Variants in KCTD16 observed in about 807,000 individuals in gnomAD.
KCTD16 encodes the protein BTB/POZ domain-containing protein KCTD16.
KCTD16 carries 13 observed loss-of-function variants against 33.2 expected under a neutral mutation model. That is an observed-to-expected ratio of 0.39 (90% CI 0.25 to 0.62). The LOEUF (loss-of-function observed/expected upper bound fraction) is 0.62. Ranked by LOEUF, KCTD16 falls within the 20% of genes least tolerant of loss-of-function variation. The pLI is 0.50. For missense variants in KCTD16, 441 were observed against 525.1 expected, an observed-to-expected ratio of 0.84 and a Z score of 1.57; for synonymous variants, 197 against 195.3, an observed-to-expected ratio of 1.01 and a Z score of -0.07.
intron 2 of KCTD16, among the ~76,000 whole-genome samples, chr5:144,188,455 A>T (rs2126778275): frequency 6.6e-6 from 1 of 152,152 alleles, no homozygotes; most frequent in African/African-American, 2.4e-5. Flanking sequence ...TCTCATCCTA[A>T]CTCTTTTCTT....
intron 3 of KCTD16, among the ~76,000 whole-genome samples, chr5:144,435,344 A>C (rs1043801101): frequency 1.3e-5 from 2 of 152,226 alleles, no homozygotes; most frequent in African/African-American, 4.8e-5. Flanking sequence ...ATGTCTTTCC[A>C]GATCACTGTA....
chr5:144,189,505 A>G (rs1344352806), intron 2 of KCTD16, among the ~76,000 whole-genome samples: 1 of 151,966 alleles, frequency 6.6e-6, no homozygotes, highest in East Asian at 1.9e-4. Flanking sequence ...CAAAAAAAAA[A>G]AAAAAGAAAA....
At chr5:144,173,860 C>G (rs902306123) in intron 1 of KCTD16, among the ~76,000 whole-genome samples, 15 of 151,422 alleles carry the variant, frequency 9.9e-5, no homozygotes, top group African/African-American at 1.5e-4. Context: ...TTGAGAACAT[C>G]CACTAATTTC....
intron 2 of KCTD16, among the ~76,000 whole-genome samples, chr5:144,198,862 G>A (rs1005331746): frequency 6.6e-6 from 1 of 152,168 alleles, no homozygotes; most frequent in Admixed American, 6.5e-5. Context: ...TTTCAGAAAA[G>A]GGATCAGTAA....
rs1561558682 is a variant in KCTD16, at chr5:144,299,129, TA to T, written c.832+91584del. 2.5e-4 allele frequency among the ~76,000 whole-genome samples: 7 copies of T among 27,972 alleles called. 1 individual carries two copies. The highest frequency in any genetic ancestry group is 3.7e-4 in the Admixed American group (1 of 2,696). 18.4% of individuals were successfully genotyped at this position (27,972 alleles called of 152,430 possible). A position where few individuals can be genotyped will look rare whatever the true frequency, so the allele number is the denominator to read the frequency against. ...ATATATATATATATATATATATATA[TA>T]TATATATATATATATATATTTTTTT... On this transcript the variant is annotated intron_variant, in intron 3 of 3. Transcript: ENST00000512467.
At chr5:144,411,655 A>C (rs1030695121) in intron 3 of KCTD16, among the ~76,000 whole-genome samples, 1 of 152,202 alleles carries the variant, frequency 6.6e-6, no homozygotes. Context: ...CCTCAAAAGC[A>C]TAGGGAACAA....
chr5:144,267,568 C>T (rs1755178140), intron 3 of KCTD16, among the ~76,000 whole-genome samples: 1 of 152,032 alleles, frequency 6.6e-6, no homozygotes, highest in African/African-American at 2.4e-5. Context: ...CAAACTGTGG[C>T]TTTATCCATT....
intron 3 of KCTD16, among the ~76,000 whole-genome samples, chr5:144,356,647 G>C (rs946187787): frequency 1.3e-5 from 2 of 152,088 alleles, no homozygotes; most frequent in South Asian, 2.1e-4. Context: ...GATTCATTTA[G>C]CTTAATCCTT....
intron 3 of KCTD16, among the ~76,000 whole-genome samples, chr5:144,431,609 C>T (rs1020445640): frequency 6.6e-6 from 1 of 152,060 alleles, no homozygotes; most frequent in Admixed American, 6.6e-5. Context: ...TTTTTGGTCC[C>T]TGAGTCTGTG....
chr5:144,182,495 T>C (rs1056035188), intron 2 of KCTD16, among the ~76,000 whole-genome samples: 1 of 152,170 alleles, frequency 6.6e-6, no homozygotes, highest in African/African-American at 2.4e-5. Context: ...GATTGAGATA[T>C]GTAGGTCAAA....
At chr5:144,438,446 C>T (rs909739234) in intron 3 of KCTD16, among the ~76,000 whole-genome samples, 1 of 152,206 alleles carries the variant, frequency 6.6e-6, no homozygotes, top group Non-Finnish European at 1.5e-5. Flanking sequence ...CATCTGTCTC[C>T]GCTCTGTTTT....
chr5:144,464,850 C>A (rs919108885), intron 3 of KCTD16, among the ~76,000 whole-genome samples: 2 of 152,054 alleles, frequency 1.3e-5, no homozygotes, highest in Admixed American at 1.3e-4. Context: ...GTTTCCCTCT[C>A]TGTTGGGCCC....
At chr5:144,217,579 T>C (rs1753603736) in intron 3 of KCTD16, among the ~76,000 whole-genome samples, 1 of 152,164 alleles carries the variant, frequency 6.6e-6, no homozygotes, top group Admixed American at 6.5e-5. Flanking sequence ...AAAATATTTA[T>C]TTGGAAAGAT....
At position 144,476,115 on chromosome 5, in the gene KCTD16, C is replaced by T. The variant is rs774618475; in HGVS notation, c.*2001C>T. 2 of 152,154 alleles carry T rather than the reference C, an allele frequency of 1.3e-5. No individual in the cohort carries two copies. The highest frequency in any genetic ancestry group is 1.3e-4 in the Admixed American group (2 of 15,260). The allele number at this position is 152,154 out of a possible 1,614,324, so 9.4% of individuals were successfully genotyped here. On this transcript the variant is annotated 3_prime_UTR_variant, in exon 4 of 4. Transcript: ENST00000512467. ...GATTCTTTTCAATGTTTCTTGATAGCACATGGCAATACCATCATCCTAATA... is the reference window on the plus strand; with the variant it reads ...GATTCTTTTCAATGTTTCTTGATAGTACATGGCAATACCATCATCCTAATA...
intron 3 of KCTD16, among the ~76,000 whole-genome samples, chr5:144,258,427 G>A (rs1211313005): frequency 6.6e-6 from 1 of 152,140 alleles, no homozygotes; most frequent in Non-Finnish European, 1.5e-5. Flanking sequence ...ATGTATAAAA[G>A]TTGCTAACAG....
At chr5:144,404,358 T>C (rs918682624) in intron 3 of KCTD16, among the ~76,000 whole-genome samples, 1 of 152,304 alleles carries the variant, frequency 6.6e-6, no homozygotes, top group South Asian at 2.1e-4. Flanking sequence ...ATTATTATCA[T>C]TAACAGCTGT....
intron 3 of KCTD16, among the ~76,000 whole-genome samples, chr5:144,324,000 G>T (rs1752141173): frequency 1.3e-5 from 2 of 152,222 alleles, no homozygotes; most frequent in East Asian, 3.9e-4. Context: ...TAAGATACTT[G>T]GTTATGGCTC....
In KCTD16 at chr5:144,479,760, A is replaced by G. The variant is rs1243152049; in HGVS notation, c.*5646A>G. On this transcript the variant is annotated 3_prime_UTR_variant, in exon 4 of 4. Transcript: ENST00000512467. ...TGCTTGTGAACAAATTTTGTTGCCA[A>G]TTAGGTAAAAAATGTTAAGTTCCCA... 6.6e-6 allele frequency: 1 copy of G among 151,948 alleles called. No individual in the cohort carries two copies. The highest frequency in any genetic ancestry group is 1.5e-5 in the Non-Finnish European group (1 of 67,948). 9.4% of individuals were successfully genotyped at this position (151,948 alleles called of 1,614,324 possible).
intron 3 of KCTD16, among the ~76,000 whole-genome samples, chr5:144,458,269 AC>A (rs1754117553): frequency 6.6e-6 from 1 of 152,190 alleles, no homozygotes; most frequent in African/African-American, 2.4e-5. Context: ...CGTTCAGGTC[AC>A]CCACTGAGAA....
Sources: allele counts gnomAD v4.1 joint callset (sites outside exome capture counted in the v4.1 genomes callset), GRCh38; gene constraint gnomAD v4.1.1; transcripts MANE v1.5; gene names NCBI Gene and HGNC (gene_info 2026-07-23, HGNC 2026-07-21).